The following ITIH5 variants were observed in gnomAD, a reference collection of about 807,000 sequenced individuals.
ITIH5 encodes the protein inter-alpha-trypsin inhibitor heavy chain 5.
ITIH5 carries 65 observed loss-of-function variants against 77.5 expected under a neutral mutation model. That is an observed-to-expected ratio of 0.84 (90% CI 0.69 to 1.03). ITIH5 has a LOEUF of 1.03. ITIH5 is among the 50% of genes least tolerant of loss of function. ITIH5 has a pLI of 0.00. For synonymous variants in ITIH5, 525 were observed against 494.3 expected (o/e 1.06, Z -0.82); for missense variants, 1,208 against 1,213.1 (o/e 1.00, Z 0.06).
intron 9 of ITIH5, among the ~76,000 whole-genome samples, chr10:7,577,404 CTT>C (rs1051258356): frequency 6.6e-6 from 1 of 152,220 alleles, no homozygotes; most frequent in African/African-American, 2.4e-5. Flanking sequence ...CTGTGCATTC[CTT>C]TAAGCCCAGT....
rs146743928 is a variant in ITIH5 at position 7,610,805 on chromosome 10, T to C, written c.939+5177A>G. 2.6e-5 allele frequency among the ~76,000 whole-genome samples: 4 copies of C among 152,292 alleles called. No individual in the cohort carries two copies. The East Asian group carries it at 7.7e-4, about 29-fold the overall frequency. Reference sequence around the variant, plus strand: ...GGGCTTTCAAAATTGCTCAGACATGTGTTTGGCTGGTCTAGGGTGGCTCTC... The same window carrying C: ...GGGCTTTCAAAATTGCTCAGACATGCGTTTGGCTGGTCTAGGGTGGCTCTC... On this transcript the variant is annotated intron_variant, in intron 7 of 13. Transcript: ENST00000397146.
At position 7,562,938 on chromosome 10, in the gene ITIH5, G is replaced by A. The variant is rs994533161; in HGVS notation, c.*145C>T. On this transcript the variant is annotated 3_prime_UTR_variant, in exon 14 of 14. Coordinates refer to ENST00000397146, the MANE Select transcript of ITIH5 (RefSeq NM_030569.7). ...ACCCCTACCCTTCGCCCAGACAGAC[G>A]TCGGATCTATGCTGCACCAGGGGTG... The A allele has an allele frequency of 4.3e-5, 20 of 464,292 alleles. No homozygotes were observed. Among genetic ancestry groups the A allele is most frequent in the Admixed American group, 1.9e-4 (8 of 42,078 alleles). The allele number at this position is 464,292 out of a possible 1,614,324, so 28.8% of individuals were successfully genotyped here. A position where few individuals can be genotyped will look rare whatever the true frequency, so the allele number is the denominator to read the frequency against.
intron 2 of ITIH5, among the ~76,000 whole-genome samples, chr10:7,644,936 TCACATATATATATATCA>T (rs1369216407): frequency 6.1e-4 from 15 of 24,476 alleles, no homozygotes; most frequent in East Asian, 1.9e-3. Context: ...CATATATATA[TCACATATATATATATCA>T]CACATATATA....
At chr10:7,580,109 T>A (rs1466061576) in intron 8 of ITIH5, 45 bp from the exon 9 acceptor site, 8 of 1,490,192 alleles carry the variant, frequency 5.4e-6, no homozygotes, top group Non-Finnish European at 6.3e-6. Context: ...TGCACTCACC[T>A]CCGCACTCTG....
intron 7 of ITIH5, chr10:7,600,674 C>A: frequency 2.3e-6 from 1 of 426,298 alleles, no homozygotes; most frequent in Non-Finnish European, 4.7e-6. Flanking sequence ...ACACAAGGGA[C>A]AGTTTGGGTC....
chr10:7,646,896 T>C (rs1834017008), intron 2 of ITIH5, among the ~76,000 whole-genome samples: 1 of 152,112 alleles, frequency 6.6e-6, no homozygotes, highest in Non-Finnish European at 1.5e-5. Flanking sequence ...ATGCATTACT[T>C]CTATCATACT....
At chr10:7,608,771 A>G (rs1833183432) in intron 7 of ITIH5, among the ~76,000 whole-genome samples, 1 of 152,234 alleles carries the variant, frequency 6.6e-6, no homozygotes, top group Non-Finnish European at 1.5e-5. Flanking sequence ...TGAAAGGGAA[A>G]GAAGTTTGCC....
At chr10:7,595,631 A>G (rs1832879535) in intron 7 of ITIH5, among the ~76,000 whole-genome samples, 1 of 152,240 alleles carries the variant, frequency 6.6e-6, no homozygotes. Context: ...AGTCCATTCC[A>G]GCTCCATCTT....
At chr10:7,637,156 A>AT in intron 5 of ITIH5, 72 bp downstream of exon 5, 1 of 1,536,078 alleles carries the variant, frequency 6.5e-7, no homozygotes, top group South Asian at 1.2e-5. Flanking sequence ...TCTCTTGCAG[A>AT]TTTCTCCGAA....
chr10:7,575,942 C>T (rs1832403281), intron 10 of ITIH5, among the ~76,000 whole-genome samples: 1 of 152,222 alleles, frequency 6.6e-6, no homozygotes, highest in African/African-American at 2.4e-5. Flanking sequence ...TTTCTCTAGA[C>T]AGCCACAGTG....
intron 5 of ITIH5, among the ~76,000 whole-genome samples, chr10:7,630,796 G>A (rs948855844): frequency 1.3e-5 from 2 of 151,830 alleles, no homozygotes; most frequent in Non-Finnish European, 2.9e-5. Flanking sequence ...TTTTTTAAGA[G>A]CATAACCTGA....
chr10:7,584,520 G>T (rs969007084), intron 8 of ITIH5, among the ~76,000 whole-genome samples: 2 of 151,928 alleles, frequency 1.3e-5, no homozygotes, highest in Admixed American at 6.6e-5. Flanking sequence ...GGCCAGGCTG[G>T]TCTTGAACTC....
chr10:7,566,413 A>G lies in ITIH5; in HGVS notation c.2150-6T>C. On this transcript the variant is annotated splice_polypyrimidine_tract_variant and splice_region_variant and intron_variant, in intron 12 of 13. Coordinates refer to ENST00000397146, the MANE Select transcript of ITIH5 (RefSeq NM_030569.7). ...CTCTCCGTTCACTGTGACACCTCAAAGGCCAAGGGGAAAAGAAGAAGGTTA... is the reference window on the plus strand; with the variant it reads ...CTCTCCGTTCACTGTGACACCTCAAGGGCCAAGGGGAAAAGAAGAAGGTTA... 2 of 1,587,588 alleles carry G rather than the reference A, an allele frequency of 1.3e-6. No homozygotes were observed. Among genetic ancestry groups the G allele is most frequent in the African/African-American group, 1.3e-5 (1 of 74,500 alleles).
intron 11 of ITIH5, chr10:7,572,086 G>C: frequency 9.7e-7 from 1 of 1,035,810 alleles, no homozygotes; most frequent in Non-Finnish European, 1.2e-6. Context: ...GCATCCAAGA[G>C]GAAGCTTTTC....
intron 5 of ITIH5, among the ~76,000 whole-genome samples, chr10:7,626,603 C>A (rs1015244052): frequency 1.3e-5 from 2 of 152,178 alleles, no homozygotes; most frequent in African/African-American, 4.8e-5. Context: ...GTTTCACAGC[C>A]AGTCACAGTG....
chr10:7,573,502 A>AT (rs1832346585), intron 10 of ITIH5, among the ~76,000 whole-genome samples: 1 of 149,172 alleles, frequency 6.7e-6, no homozygotes, highest in African/African-American at 2.6e-5. Flanking sequence ...CCCTGTCTCT[A>AT]CAAAAAAAAA....
Position 7,597,063 on chromosome 10 carries a change from A to AAAAAAAAAAAAAAAAAAAAAT in ITIH5, c.940-10995_940-10994insATTTTTTTTTTTTTTTTTTTT, listed in dbSNP as rs750714870. 2.9e-3 allele frequency among the ~76,000 whole-genome samples: 410 copies of AAAAAAAAAAAAAAAAAAAAAT among 142,552 alleles called. 11 individuals are homozygous for AAAAAAAAAAAAAAAAAAAAAT. The highest frequency in any genetic ancestry group is 4.5e-3 in the Middle Eastern group (1 of 222). The allele number at this position is 142,552 out of a possible 152,430, so 93.5% of individuals were successfully genotyped here. ...CCAACTCAAAAAAAAAAAAAAAAAA[A>AAAAAAAAAAAAAAAAAAAAAT]ATTCCACCAAAGAAATCAAAGACCT... On this transcript the variant is annotated intron_variant, in intron 7 of 13. Transcript: ENST00000397146.
chr10:7,567,651 G>A (rs1454045295), intron 12 of ITIH5, among the ~76,000 whole-genome samples: 1 of 152,110 alleles, frequency 6.6e-6, no homozygotes, highest in Non-Finnish European at 1.5e-5. Flanking sequence ...AGCAGTGTGG[G>A]AGAATGTAAA....
chr10:7,590,972 C>G (rs1235019788), intron 7 of ITIH5, among the ~76,000 whole-genome samples: 2 of 152,254 alleles, frequency 1.3e-5, no homozygotes, highest in Middle Eastern at 3.2e-3. Flanking sequence ...TATCCACTCA[C>G]TGCAACCTCC....
Sources: allele counts gnomAD v4.1 joint callset (sites outside exome capture counted in the v4.1 genomes callset), GRCh38; gene constraint gnomAD v4.1.1; transcripts MANE v1.5; gene names NCBI Gene and HGNC (gene_info 2026-07-23, HGNC 2026-07-21).